Variants in KLHL17 observed in about 807,000 individuals in gnomAD.
KLHL17 encodes kelch-like protein 17.
Under a neutral mutation model 64.6 loss-of-function variants are expected in KLHL17, and 71 were observed. The ratio of observed to expected loss-of-function variants is 1.10; its 90% CI spans 0.91 to 1.34. KLHL17 has a LOEUF of 1.34. Ranked by LOEUF, KLHL17 falls within the 40% of genes most tolerant of loss-of-function variation. The pLI, the probability that KLHL17 is intolerant of heterozygous loss-of-function variation, is 0.00. For synonymous variants in KLHL17, 612 were observed against 405.4 expected, an observed-to-expected ratio of 1.51 and a Z score of -6.12; for missense variants, 1,140 against 935.0, an observed-to-expected ratio of 1.22 and a Z score of -2.86.
At chr1:963,001 T>C in intron 6 of KLHL17, 84 bp downstream of exon 6, 3 of 1,525,564 alleles carry the variant, frequency 2.0e-6, no homozygotes, top group Non-Finnish European at 2.7e-6. Flanking sequence ...GCCGGTCAGG[T>C]CCTGACCTGC....
chr1:963,363 C>T lies in KLHL17; in HGVS notation c.1214C>T (p.Thr405Ile). ...TATGATGGGACCTCAGACCTGGCTA[C>T]CGTGGAGTCCTACGACCCCGTGACT... The part of the protein sequence containing the change: ...GGYDGTSDLA[T>I]VESYDPVTNT... Residue 405 changes from threonine to isoleucine, a missense_variant, in exon 8 of 12, where the codon ACC (threonine) becomes ATC (isoleucine). By Grantham distance (89) the Thr-to-Ile change is moderately conservative. Coordinates refer to ENST00000338591, the MANE Select transcript of KLHL17 (RefSeq NM_198317.3). 1 of 1,611,624 alleles carries T rather than the reference C, an allele frequency of 6.2e-7. No individual in the cohort carries two copies. Among genetic ancestry groups the T allele is most frequent in the Non-Finnish European group, 8.5e-7 (1 of 1,179,084 alleles).
chr1:963,332 G>T lies in KLHL17; in HGVS notation c.1188-5G>T, dbSNP rs199888109. Reference sequence around the variant, plus strand: ...TCTTGACCTGCAGTGGCTTAATTCCGCTAGCTATGATGGGACCTCAGACCT... The same window carrying T: ...TCTTGACCTGCAGTGGCTTAATTCCTCTAGCTATGATGGGACCTCAGACCT... On this transcript the variant is annotated splice_polypyrimidine_tract_variant and splice_region_variant and intron_variant, in intron 7 of 11. Coordinates refer to ENST00000338591, the MANE Select transcript of KLHL17 (RefSeq NM_198317.3). The T allele has an allele frequency of 3.5e-5, 57 of 1,606,714 alleles. No individual in the cohort carries two copies. The South Asian group carries it at 5.8e-4, about 16-fold the overall frequency.
Position 962,745 on chromosome 1 carries a change from C to T in KLHL17, c.870C>T (p.Phe290=). 1 of 1,610,476 alleles carries T rather than the reference C, an allele frequency of 6.2e-7. No homozygotes were observed. The highest frequency in any genetic ancestry group is 8.5e-7 in the Non-Finnish European group (1 of 1,179,560). ...CVRLPLLSRD[F]LLGHVDAESL... ...GGCTGCCCTTGCTGAGCCGCGACTT[C>T]CTGCTGGGCCACGTGGATGCCGAGA... The change falls in exon 6 of 12, where the codon TTC becomes TTT. Residue 290 remains phenylalanine (F), a synonymous_variant. Transcript: ENST00000338591.
intron 5 of KLHL17, 99 bp downstream of exon 5, chr1:962,570 G>A (rs1311123198): frequency 2.6e-5 from 40 of 1,535,954 alleles, no homozygotes; most frequent in Non-Finnish European, 3.1e-5. Context: ...CAGGGACTCC[G>A]TGGGGGTGGT....
rs1489419799 is a variant in KLHL17 at position 961,710 on chromosome 1, C to T, written c.449C>T (p.Ala150Val). The change falls in exon 3 of 12, where the codon GCC becomes GTC. Residue 150 changes from alanine (A) to valine (V), a missense_variant. Coordinates refer to ENST00000338591, the MANE Select transcript of KLHL17 (RefSeq NM_198317.3). ...GCCTTGGACCAGCTGGTGCAGTTTGCCTACACGGCTGAGATTGTGGTGGGC... is the reference window on the plus strand; with the variant it reads ...GCCTTGGACCAGCTGGTGCAGTTTGTCTACACGGCTGAGATTGTGGTGGGC... ...PQALDQLVQF[A>V]YTAEIVVGEG... 13 of 1,612,016 alleles carry T rather than the reference C, an allele frequency of 8.1e-6. No individual in the cohort carries two copies. Among genetic ancestry groups the T allele is most frequent in the Non-Finnish European group, 1.0e-5 (12 of 1,179,438 alleles).
intron 4 of KLHL17, 113 bp from the exon 5 acceptor site, chr1:962,242 C>A (rs529622514): frequency 2.6e-6 from 4 of 1,545,144 alleles, no homozygotes. Context: ...TCGGCCCCTC[C>A]CAGTATGAAC....
intron 5 of KLHL17, 38 bp from the exon 6 acceptor site, chr1:962,666 G>C (rs375789802): frequency 1.3e-6 from 2 of 1,551,300 alleles, no homozygotes; most frequent in South Asian, 1.2e-5. Context: ...CAGTGTGCCC[G>C]AGGGTCCCGC....
chr1:964,531 G>T lies in KLHL17; in HGVS notation c.1700+1G>T, dbSNP rs773838885. 1 of 1,495,212 alleles carries T rather than the reference G, an allele frequency of 6.7e-7. No individual in the cohort carries two copies. The allele number at this position is 1,495,212 out of a possible 1,614,324, so 92.6% of individuals were successfully genotyped here. ...GCGTGGCGCCCATGAATATCCGCAG[G>T]TCCGCAGTGGGGCTGCGGGGAGGGG... is the stretch of plus-strand genomic sequence containing the variant. On this transcript the variant is annotated splice_donor_variant, in intron 11 of 11. Coordinates refer to ENST00000338591, the MANE Select transcript of KLHL17 (RefSeq NM_198317.3). LOFTEE classifies it high-confidence loss of function.
intron 4 of KLHL17, 145 bp from the exon 5 acceptor site, chr1:962,210 C>T (rs1477458229): frequency 6.5e-6 from 9 of 1,392,646 alleles, no homozygotes; most frequent in Middle Eastern, 3.5e-4. Flanking sequence ...CCAGGAGCCT[C>T]GTCTGTGGCT....
chr1:962,080 A>ACCC lies in KLHL17; in HGVS notation c.711+35_711+37dup. 18 of 769,418 alleles carry ACCC rather than the reference A, an allele frequency of 2.3e-5. No individual in the cohort carries two copies. In the South Asian group the frequency reaches 3.0e-4, roughly 13 times the overall value. The allele number at this position is 769,418 out of a possible 1,614,324, so 47.7% of individuals were successfully genotyped here. On this transcript the variant is annotated intron_variant, in intron 4 of 11. Coordinates refer to ENST00000338591, the MANE Select transcript of KLHL17 (RefSeq NM_198317.3). ...CTGGCGGGCCCAGCCCTCGCCCCCC[A>ACCC]CCCCACCCCACCCCAGTCTTTGTCT...
At chr1:962,164 C>T (rs888334715) in intron 4 of KLHL17, 117 bp downstream of exon 4, 3 of 1,273,438 alleles carry the variant, frequency 2.4e-6, no homozygotes, top group Non-Finnish European at 3.3e-6. Context: ...TTAGTGCCTG[C>T]TGTGTGTCCC....
rs1022104728 is a variant in KLHL17 at position 963,404 on chromosome 1, G to A, written c.1255G>A (p.Glu419Lys). Residue 419 changes from glutamate (E) to lysine (K), a missense_variant, in exon 8 of 12, where the codon GAG becomes AAG. Transcript: ENST00000338591. ...YDPVTNTWQP[E>K]VSMGTRRSCL... ...CCCCGTGACTAACACGTGGCAGCCG[G>A]AGGTGTCCATGGGCACAAGGCGAAG... 1.1e-5 allele frequency: 17 copies of A among 1,612,592 alleles called. No homozygotes were observed. The highest frequency in any genetic ancestry group is 1.2e-5 in the Non-Finnish European group (14 of 1,179,912).
In KLHL17 at chr1:961,759, T is replaced by A; in HGVS notation, c.489+9T>A. On this transcript the variant is annotated intron_variant, in intron 3 of 11. Coordinates refer to ENST00000338591, the MANE Select transcript of KLHL17 (RefSeq NM_198317.3). ...GCGAGGGCAATGTGCAGGTGAGGGC[T>A]CCCTCACCCGGATCCCGGTGTCCCC... The A allele has an allele frequency of 6.2e-7, 1 of 1,611,692 alleles. No individual in the cohort carries two copies. The highest frequency in any genetic ancestry group is 8.5e-7 in the Non-Finnish European group (1 of 1,179,500).
chr1:963,829 A>T, intron 8 of KLHL17, 91 bp from the exon 9 acceptor site: 1 of 1,385,624 alleles, frequency 7.2e-7, no homozygotes, highest in Non-Finnish European at 1.0e-6. Flanking sequence ...CTAGGGTAAG[A>T]TTTCAGCCAT....
intron 1 of KLHL17, 176 bp downstream of exon 1, chr1:960,976 G>C (rs1221508909): frequency 5.9e-6 from 2 of 340,428 alleles, no homozygotes; most frequent in Non-Finnish European, 8.3e-6. Context: ...CGCGCGCCCA[G>C]GACGCGACTC....
At position 963,179 on chromosome 1, in the gene KLHL17, G is replaced by C; in HGVS notation, c.1113G>C (p.Val371=). 1 of 1,609,856 alleles carries C rather than the reference G, an allele frequency of 6.2e-7. No individual in the cohort carries two copies. The highest frequency in any genetic ancestry group is 8.5e-7 in the Non-Finnish European group (1 of 1,177,924). ...ACACGCGCACCGACCGCTGGCACGT[G>C]GTGGCCTCCATGTCCACGCGCCGGG... ...AYDTRTDRWH[V]VASMSTRRAR... The change falls in exon 7 of 12, where the codon GTG becomes GTC. Residue 371 remains valine (V), a synonymous_variant. Coordinates refer to ENST00000338591, the MANE Select transcript of KLHL17 (RefSeq NM_198317.3).
intron 6 of KLHL17, 28 bp downstream of exon 6, chr1:962,945 G>T (rs768675545): frequency 2.6e-6 from 4 of 1,528,774 alleles, no homozygotes; most frequent in Admixed American, 1.9e-5. Flanking sequence ...TTTCCCTCTT[G>T]CCCTGTGCCT....
chr1:962,668 G>C (rs369386729), intron 5 of KLHL17, 36 bp from the exon 6 acceptor site: 28 of 1,552,080 alleles, frequency 1.8e-5, no homozygotes, highest in Non-Finnish European at 2.3e-5. Context: ...GTGTGCCCGA[G>C]GGTCCCGCCT....
Position 963,596 on chromosome 1 carries a change from G to A in KLHL17, c.1355+92G>A. 11 of 1,388,044 alleles carry A rather than the reference G, an allele frequency of 7.9e-6. 1 individual carries two copies. In the South Asian group the frequency reaches 1.4e-4, roughly 18 times the overall value. 86.0% of individuals were successfully genotyped at this position (1,388,044 alleles called of 1,614,324 possible). ...TCACAGGGGTCGTATCTGATGGGGT[G>A]TTAAAGGAGGTGATCCGCGAGGCCG... is the stretch of plus-strand genomic sequence containing the variant. On this transcript the variant is annotated intron_variant, in intron 8 of 11. Transcript: ENST00000338591.
Sources: allele counts gnomAD v4.1 joint callset, GRCh38; gene constraint gnomAD v4.1.1; transcripts MANE v1.5; gene names NCBI Gene and HGNC (gene_info 2026-07-23, HGNC 2026-07-21).